Variants in EML5 observed in about 807,000 individuals in gnomAD.
The protein encoded by EML5 is EMAP like 5.
EML5 carries 120 observed loss-of-function variants against 250.0 expected under a neutral mutation model. The observed-to-expected ratio is 0.48, with a 90% confidence interval of 0.41 to 0.56. EML5 has a LOEUF of 0.56. EML5 is among the 20% of genes least tolerant of loss of function. The pLI is 0.00. For missense variants in EML5, 2,006 were observed against 2,437.6 expected (o/e 0.82, Z 3.73); for synonymous variants, 771 against 806.5 (o/e 0.96, Z 0.75).
At chr14:88,641,806 C>G (rs1309277246) in intron 31 of EML5, among the ~76,000 whole-genome samples, 1 of 151,934 alleles carries the variant, frequency 6.6e-6, no homozygotes, top group South Asian at 2.1e-4. Context: ...CTCTAGACAC[C>G]CCACCACTAG....
chr14:88,719,290 A>G (rs1220598511), intron 8 of EML5, among the ~76,000 whole-genome samples: 2 of 151,496 alleles, frequency 1.3e-5, no homozygotes, highest in East Asian at 4.0e-4. Flanking sequence ...GAAGACTGAG[A>G]TGGGAGGATC....
At chr14:88,705,258 A>T (rs1735891359) in intron 12 of EML5, among the ~76,000 whole-genome samples, 1 of 152,146 alleles carries the variant, frequency 6.6e-6, no homozygotes, top group Non-Finnish European at 1.5e-5. Context: ...CTATGACAAA[A>T]TCCTATAGGC....
rs372186264 is a variant in EML5, at chr14:88,618,643, A to G, written c.5538+7T>C. ...TGCCACCTGGGTATACAGTATTGGTACTGTACCTGGAGATAACTGCTATCT... is the reference window on the plus strand; with the variant it reads ...TGCCACCTGGGTATACAGTATTGGTGCTGTACCTGGAGATAACTGCTATCT... On this transcript the variant is annotated splice_region_variant and intron_variant, in intron 40 of 43. Coordinates refer to ENST00000554922, the MANE Select transcript of EML5 (RefSeq NM_183387.3). 8.2e-5 allele frequency: 132 copies of G among 1,611,778 alleles called. No individual in the cohort carries two copies. The African/African-American group carries it at 1.3e-3, about 16-fold the overall frequency.
At chr14:88,640,596 C>G (rs1450705003) in intron 31 of EML5, among the ~76,000 whole-genome samples, 2 of 152,080 alleles carry the variant, frequency 1.3e-5, no homozygotes, top group East Asian at 3.9e-4. Flanking sequence ...AAATGCCTAT[C>G]TCAAAATGTT....
At chr14:88,739,838 CAATT>C (rs2093898967) in intron 5 of EML5, among the ~76,000 whole-genome samples, 1 of 152,030 alleles carries the variant, frequency 6.6e-6, no homozygotes, top group Admixed American at 6.6e-5. Context: ...TAGGAAAACC[CAATT>C]AATAGAAATG....
intron 8 of EML5, among the ~76,000 whole-genome samples, chr14:88,720,626 C>T (rs2093575054): frequency 6.6e-6 from 1 of 152,044 alleles, no homozygotes; most frequent in African/African-American, 2.4e-5. Context: ...AGGAACATCC[C>T]CCAAAATAAT....
chr14:88,684,679 G>A (rs1183043016), intron 20 of EML5, among the ~76,000 whole-genome samples: 1 of 151,468 alleles, frequency 6.6e-6, no homozygotes. Flanking sequence ...TCTTTTCATG[G>A]GTCCTTTATT....
At chr14:88,731,108 T>C (rs937092300) in intron 7 of EML5, among the ~76,000 whole-genome samples, 3 of 152,164 alleles carry the variant, frequency 2.0e-5, no homozygotes. Context: ...CTAGGGTACA[T>C]GTGTACAATG....
At chr14:88,671,818 A>T (rs1179833323) in intron 21 of EML5, among the ~76,000 whole-genome samples, 2 of 152,224 alleles carry the variant, frequency 1.3e-5, no homozygotes, top group Non-Finnish European at 2.9e-5. Flanking sequence ...GCATTGTATA[A>T]TGGAAATGGG....
chr14:88,677,124 C>T (rs571575668), intron 21 of EML5, among the ~76,000 whole-genome samples: 4 of 152,118 alleles, frequency 2.6e-5, no homozygotes, highest in East Asian at 1.9e-4. Context: ...AGACTGGTCT[C>T]GGACTCCTGA....
intron 1 of EML5, among the ~76,000 whole-genome samples, chr14:88,782,227 G>C (rs1195496552): frequency 6.6e-6 from 1 of 152,194 alleles, no homozygotes; most frequent in African/African-American, 2.4e-5. Context: ...AAAGAGACTG[G>C]CAGCATTTTG....
At chr14:88,769,333 A>C (rs1286320702) in intron 1 of EML5, among the ~76,000 whole-genome samples, 2 of 152,126 alleles carry the variant, frequency 1.3e-5, no homozygotes, top group Admixed American at 6.5e-5. Flanking sequence ...TACTCTAGCC[A>C]TGTGAAGTGC....
chr14:88,676,068 C>A (rs372925477), intron 21 of EML5, among the ~76,000 whole-genome samples: 1 of 152,184 alleles, frequency 6.6e-6, no homozygotes, highest in African/African-American at 2.4e-5. Flanking sequence ...AACTTTCTTA[C>A]ATTTTCCTAT....
At chr14:88,748,872 C>G (rs1242546189) in intron 2 of EML5, among the ~76,000 whole-genome samples, 2 of 151,372 alleles carry the variant, frequency 1.3e-5, no homozygotes, top group African/African-American at 4.9e-5. Context: ...TAGAACCCAT[C>G]CAAAATAAAG....
chr14:88,736,679 C>T (rs1180401031), intron 6 of EML5, 114 bp from the exon 7 acceptor site: 1 of 980,110 alleles, frequency 1.0e-6, no homozygotes, highest in Non-Finnish European at 1.5e-6. Flanking sequence ...AACCTTCAAA[C>T]CTAAGACAGT....
chr14:88,680,800 C>CG (rs2092699414), intron 21 of EML5, among the ~76,000 whole-genome samples: 1 of 151,936 alleles, frequency 6.6e-6, no homozygotes, highest in African/African-American at 2.4e-5. Context: ...CCCACACCCT[C>CG]AATCCAGACA....
chr14:88,684,944 T>C (rs2092798379), intron 20 of EML5, 71 bp downstream of exon 20: 1 of 1,318,690 alleles, frequency 7.6e-7, no homozygotes, highest in East Asian at 2.5e-5. Context: ...CACTGTCAAC[T>C]TTTGGCTCTT....
At chr14:88,681,632 C>A (rs1292894459) in intron 21 of EML5, among the ~76,000 whole-genome samples, 1 of 152,116 alleles carries the variant, frequency 6.6e-6, no homozygotes, top group Admixed American at 6.5e-5. Flanking sequence ...AACTTAGCTT[C>A]TGTTTACCTT....
rs375408162 is a variant in EML5, at chr14:88,657,871, G to A, written c.3877+316C>T. On this transcript the variant is annotated intron_variant, in intron 26 of 43. Transcript: ENST00000554922. ...TATGGCAAAATACATTTTCTATAAC[G>A]AGCTGATATTACTGGTATATTAGAA... Among the ~76,000 whole-genome samples the A allele has an allele frequency of 2.2e-4, 33 of 152,074 alleles. 1 individual carries two copies. Among genetic ancestry groups the A allele is most frequent in the African/African-American group, 7.7e-4 (32 of 41,510 alleles).
Sources: allele counts gnomAD v4.1 joint callset (sites outside exome capture counted in the v4.1 genomes callset), GRCh38; gene constraint gnomAD v4.1.1; transcripts MANE v1.5; gene names NCBI Gene and HGNC (gene_info 2026-07-23, HGNC 2026-07-21).